The following ABI2 variants were observed in gnomAD, a reference collection of about 807,000 sequenced individuals.
ABI2 encodes abelson interactor 2.
In ABI2, 25 loss-of-function variants were observed where a neutral mutation model predicts 59.2. The observed-to-expected ratio is 0.42, with a 90% CI of 0.31 to 0.59. ABI2 has a LOEUF of 0.59. Ranked by LOEUF, ABI2 falls within the 20% of genes least tolerant of loss-of-function variation. ABI2 has a pLI of 0.14. For missense variants in ABI2, 545 were observed against 681.8 expected (o/e 0.80, Z 2.23); for synonymous variants, 213 against 235.5 (o/e 0.90, Z 0.87).
Position 203,391,152 on chromosome 2 carries a change from A to C in ABI2, c.578+9A>C. ...GGGAAAGGGACACTTGGGTGAGTAT[A>C]TAAGTAGTAATTGAAAACCATTTCA... On this transcript the variant is annotated intron_variant, in intron 5 of 11. Coordinates refer to ENST00000261018, the MANE Select transcript of ABI2 (RefSeq NM_001375670.1). 6.4e-7 allele frequency: 1 copy of C among 1,565,266 alleles called. No individual in the cohort carries two copies. The highest frequency in any genetic ancestry group is 8.7e-7 in the Non-Finnish European group (1 of 1,153,088).
chr2:203,356,196 T>C (rs893422459), intron 1 of ABI2, among the ~76,000 whole-genome samples: 6 of 152,004 alleles, frequency 3.9e-5, no homozygotes, highest in African/African-American at 1.2e-4. Context: ...AATTAACTTG[T>C]GTTTTTTTTG....
intron 2 of ABI2, among the ~76,000 whole-genome samples, chr2:203,371,690 A>G (rs1450323115): frequency 6.6e-6 from 1 of 152,120 alleles, no homozygotes; most frequent in Non-Finnish European, 1.5e-5. Context: ...TATTTCCCCT[A>G]AATATATACT....
At chr2:203,351,701 G>T in intron 1 of ABI2, 1 of 308,786 alleles carries the variant, frequency 3.2e-6, no homozygotes, top group Non-Finnish European at 6.3e-6. Context: ...GTGCCCGGCT[G>T]ATTTTCGTAT....
chr2:203,401,028 A>G (rs1435281839), intron 8 of ABI2, among the ~76,000 whole-genome samples: 1 of 152,124 alleles, frequency 6.6e-6, no homozygotes, highest in East Asian at 1.9e-4. Context: ...AATTTAAAAA[A>G]TTTCAGGATA....
chr2:203,396,715 A>G, intron 7 of ABI2, 70 bp from the exon 8 acceptor site: 1 of 1,421,256 alleles, frequency 7.0e-7, no homozygotes. Context: ...TAAATACTCT[A>G]ATACCTTTTC....
chr2:203,338,941 T>TATATATATATATATATATAA (rs1559153812), intron 1 of ABI2, among the ~76,000 whole-genome samples: 7 of 6,214 alleles, frequency 1.1e-3, no homozygotes, highest in South Asian at 0.01. Context: ...TATGTATATA[T>TATATATATATATATATATAA]ATATATATAT....
chr2:203,410,208 A>G lies in ABI2; in HGVS notation c.1193-1077A>G, dbSNP rs148242054. ...CCACTACTTCCAGGGAATTGCTACA[A>G]ATATTGTTGGGTTAAGATTATCATG... On this transcript the variant is annotated intron_variant, in intron 9 of 11. Transcript: ENST00000261018. Among the ~76,000 whole-genome samples, 48 of 152,266 alleles carry G rather than the reference A, an allele frequency of 3.2e-4. 1 individual carries two copies. Among genetic ancestry groups the G allele is most frequent in the Middle Eastern group, 3.4e-3 (1 of 294 alleles).
At position 203,413,651 on chromosome 2, in the gene ABI2, G is replaced by A. The variant is rs151061321; in HGVS notation, c.1279+2280G>A. Among the ~76,000 whole-genome samples, 74 of 152,172 alleles carry A rather than the reference G, an allele frequency of 4.9e-4. No homozygotes were observed. The East Asian group carries it at 0.014, about 29-fold the overall frequency. On this transcript the variant is annotated intron_variant, in intron 10 of 11. Coordinates refer to ENST00000261018, the MANE Select transcript of ABI2 (RefSeq NM_001375670.1). ...GTGACTAATTTTACAGACGTGGCAG[G>A]ACTTAAACATTAGTCAAATAATAAA...
At chr2:203,335,688 C>A (rs1184866967) in intron 1 of ABI2, among the ~76,000 whole-genome samples, 1 of 152,104 alleles carries the variant, frequency 6.6e-6, no homozygotes, top group Non-Finnish European at 1.5e-5. Context: ...TTGCATAATT[C>A]ATGCAAGGAA....
chr2:203,368,106 A>G (rs1248157229), intron 2 of ABI2, among the ~76,000 whole-genome samples: 1 of 152,336 alleles, frequency 6.6e-6, no homozygotes, highest in East Asian at 1.9e-4. Context: ...TAAGGCAAAC[A>G]TAATCTCTTG....
intron 1 of ABI2, among the ~76,000 whole-genome samples, chr2:203,358,397 C>T (rs1320729549): frequency 6.6e-6 from 1 of 151,896 alleles, no homozygotes; most frequent in Non-Finnish European, 1.5e-5. Flanking sequence ...ATTCTTCTGC[C>T]TTGTCTTCCC....
At chr2:203,355,578 C>G (rs779870001) in intron 1 of ABI2, among the ~76,000 whole-genome samples, 6 of 151,590 alleles carry the variant, frequency 4.0e-5, no homozygotes, top group African/African-American at 1.5e-4. Flanking sequence ...GCCTGTAATC[C>G]CAGCACTTTG....
intron 2 of ABI2, chr2:203,367,277 T>C (rs985102502): frequency 6.7e-6 from 3 of 445,830 alleles, no homozygotes; most frequent in South Asian, 9.2e-5. Context: ...TCAGTTGTCA[T>C]GGTAACATAA....
intron 1 of ABI2, among the ~76,000 whole-genome samples, chr2:203,337,552 A>G (rs114552719): frequency 6.6e-6 from 1 of 152,194 alleles, no homozygotes; most frequent in Non-Finnish European, 1.5e-5. Flanking sequence ...TATTGTTAAC[A>G]TGTCCATACT....
intron 2 of ABI2, among the ~76,000 whole-genome samples, chr2:203,372,116 G>A (rs1006925398): frequency 6.6e-6 from 1 of 151,820 alleles, no homozygotes; most frequent in South Asian, 2.1e-4. Flanking sequence ...TGAGATTAGG[G>A]AGTGGTGATG....
Position 203,382,178 on chromosome 2 carries a change from T to G in ABI2, c.463-11T>G. The G allele has an allele frequency of 6.5e-7, 1 of 1,528,564 alleles. No individual in the cohort carries two copies. Among genetic ancestry groups the G allele is most frequent in the African/African-American group, 1.4e-5 (1 of 72,810 alleles). 94.7% of individuals were successfully genotyped at this position (1,528,564 alleles called of 1,614,324 possible). Reference sequence around the variant, plus strand: ...CCTTACCTCTTTTATTTGCTCCATTTATGCATTAAGTGGTTGCTTAGATTT... The same window carrying G: ...CCTTACCTCTTTTATTTGCTCCATTGATGCATTAAGTGGTTGCTTAGATTT... On this transcript the variant is annotated splice_polypyrimidine_tract_variant and intron_variant, in intron 3 of 11. Transcript: ENST00000261018.
At chr2:203,334,342 A>T (rs2075442740) in intron 1 of ABI2, among the ~76,000 whole-genome samples, 1 of 152,170 alleles carries the variant, frequency 6.6e-6, no homozygotes, top group South Asian at 2.1e-4. Flanking sequence ...ATAATATATA[A>T]ACCAAATTGG....
intron 1 of ABI2, among the ~76,000 whole-genome samples, chr2:203,344,998 G>A (rs1409682016): frequency 6.6e-6 from 1 of 152,146 alleles, no homozygotes; most frequent in Non-Finnish European, 1.5e-5. Flanking sequence ...AGTAGGACGT[G>A]GGCATCACAA....
intron 10 of ABI2, among the ~76,000 whole-genome samples, chr2:203,412,236 G>A (rs1404517351): frequency 6.6e-6 from 1 of 152,172 alleles, no homozygotes; most frequent in African/African-American, 2.4e-5. Context: ...GCCAGTACTA[G>A]AATGTAAGCT....
Sources: gnomAD v4.1 joint callset for allele counts (sites outside exome capture counted in the v4.1 genomes callset) on GRCh38, gnomAD v4.1.1 for gene constraint, MANE v1.5 for transcripts, NCBI Gene and HGNC (gene_info 2026-07-23, HGNC 2026-07-21) for gene names.